AGBL1: variants seen among roughly 807,000 people sequenced by gnomAD.
AGBL1 encodes the protein AGBL carboxypeptidase 1, also known as cytosolic carboxypeptidase 4.
In AGBL1, 130 loss-of-function variants were observed where a neutral mutation model predicts 118.9. The ratio of observed to expected loss-of-function variants is 1.09; its 90% CI spans 0.95 to 1.26. The LOEUF is 1.26. Ranked by LOEUF, AGBL1 falls within the 50% of genes most tolerant of loss-of-function variation. The pLI, the probability that AGBL1 is intolerant of heterozygous loss-of-function variation, is 0.00. For synonymous variants in AGBL1, 555 were observed against 478.9 expected, an observed-to-expected ratio of 1.16 and a Z score of -2.08; for missense variants, 1,584 against 1,298.1, an observed-to-expected ratio of 1.22 and a Z score of -3.38.
intron 1 of AGBL1, among the ~76,000 whole-genome samples, chr15:86,136,416 C>T (rs1234441710): frequency 6.6e-6 from 1 of 152,134 alleles, no homozygotes. Flanking sequence ...GGTGGGGCAC[C>T]AATCATGTTG....
Position 86,809,798 on chromosome 15 carries a change from G to T in AGBL1, c.3159-97289G>T, listed in dbSNP as rs566091332. Among the ~76,000 whole-genome samples the T allele has an allele frequency of 1.4e-4, 21 of 152,186 alleles. No individual in the cohort carries two copies. In the South Asian group the frequency reaches 4.4e-3, roughly 32 times the overall value. On this transcript the variant is annotated intron_variant, in intron 22 of 22. Transcript: ENST00000614907. ...GTAGATCACACGTTTTCAATGTAAGGTTGAAATTCAGGCCATCCAGGAAAG... is the reference window on the plus strand; with the variant it reads ...GTAGATCACACGTTTTCAATGTAAGTTTGAAATTCAGGCCATCCAGGAAAG...
At chr15:87,025,779 A>C (rs2081720728) in intron 24 of AGBL1, among the ~76,000 whole-genome samples, 1 of 152,116 alleles carries the variant, frequency 6.6e-6, no homozygotes, top group Non-Finnish European at 1.5e-5. Flanking sequence ...CATAGTCACC[A>C]AGACAGCATG....
chr15:86,410,003 C>G (rs77696739), intron 18 of AGBL1, among the ~76,000 whole-genome samples: 5,207 of 152,258 alleles, frequency 0.034, 117 homozygotes, highest in Non-Finnish European at 0.055. Flanking sequence ...ACTTCTAACT[C>G]TTTATTTCAA....
chr15:86,880,970 G>C (rs952244150), intron 22 of AGBL1, among the ~76,000 whole-genome samples: 1 of 152,056 alleles, frequency 6.6e-6, no homozygotes, highest in African/African-American at 2.4e-5. Flanking sequence ...GTGTTCTTCA[G>C]GTGCACACCC....
intron 22 of AGBL1, among the ~76,000 whole-genome samples, chr15:86,853,077 C>A (rs973621596): frequency 3.3e-5 from 5 of 152,316 alleles, no homozygotes; most frequent in Non-Finnish European, 5.9e-5. Context: ...AGGCCACACC[C>A]CATGCCAATT....
At chr15:86,599,851 A>G (rs2084467328) in intron 21 of AGBL1, among the ~76,000 whole-genome samples, 2 of 152,100 alleles carry the variant, frequency 1.3e-5, no homozygotes, top group Non-Finnish European at 2.9e-5. Context: ...TTGGGTGACA[A>G]TATCCTACAC....
intron 22 of AGBL1, among the ~76,000 whole-genome samples, chr15:86,883,100 T>C (rs955563610): frequency 1.3e-5 from 2 of 152,228 alleles, no homozygotes; most frequent in African/African-American, 4.8e-5. Context: ...AATTATATCC[T>C]CATTAATAGA....
intron 22 of AGBL1, among the ~76,000 whole-genome samples, chr15:86,674,675 CATTT>C (rs1335020254): frequency 1.3e-5 from 2 of 152,228 alleles, no homozygotes; most frequent in East Asian, 3.9e-4. Flanking sequence ...CTAGGTAACA[CATTT>C]ATGATAAGAT....
intron 24 of AGBL1, among the ~76,000 whole-genome samples, chr15:86,990,605 G>A (rs1244264257): frequency 6.6e-6 from 1 of 152,154 alleles, no homozygotes; most frequent in African/African-American, 2.4e-5. Context: ...TATCTACCAG[G>A]CACTCTTCTA....
chr15:86,287,949 C>T (rs574989021), intron 16 of AGBL1, among the ~76,000 whole-genome samples: 1 of 152,168 alleles, frequency 6.6e-6, no homozygotes, highest in South Asian at 2.1e-4. Context: ...TCTGAAGAAT[C>T]CTGCATCCAC....
Position 86,670,075 on chromosome 15 carries a change from GT to G in AGBL1, c.2995-4194del, listed in dbSNP as rs533733991. The stretch of plus-strand genomic sequence containing the variant: ...ATTCCTCGCCTATTAGACACTTATG[GT>G]TTTATTTCCCTCAAATTTGGATTAT... On this transcript the variant is annotated intron_variant, in intron 21 of 22. Transcript: ENST00000614907. Among the ~76,000 whole-genome samples, 790 of 151,896 alleles carry G rather than the reference GT, an allele frequency of 5.2e-3. 8 individuals are homozygous for G. The highest frequency in any genetic ancestry group is 0.016 in the African/African-American group (664 of 41,426).
intron 17 of AGBL1, among the ~76,000 whole-genome samples, chr15:86,392,594 A>C (rs758771994): frequency 3.3e-5 from 5 of 152,168 alleles, no homozygotes; most frequent in Non-Finnish European, 1.5e-5. Flanking sequence ...AAATGAATGG[A>C]TGTTTATATA....
chr15:86,975,638 G>A (rs1002104921), intron 23 of AGBL1, among the ~76,000 whole-genome samples: 1 of 152,108 alleles, frequency 6.6e-6, no homozygotes, highest in African/African-American at 2.4e-5. Flanking sequence ...AAAGCACAAT[G>A]TTTCAGGCTC....
intron 5 of AGBL1, among the ~76,000 whole-genome samples, chr15:86,209,073 AC>A (rs1430483639): frequency 6.6e-6 from 1 of 152,128 alleles, no homozygotes; most frequent in Non-Finnish European, 1.5e-5. Context: ...TTCATTATGT[AC>A]CCAGTAGTCA....
intron 17 of AGBL1, among the ~76,000 whole-genome samples, chr15:86,347,038 A>G (rs1444540209): frequency 6.6e-6 from 1 of 152,182 alleles, no homozygotes; most frequent in Admixed American, 6.5e-5. Flanking sequence ...TTTATTGAAT[A>G]TGTGGTGCCC....
At chr15:86,541,488 A>G (rs2142241942) in intron 19 of AGBL1, among the ~76,000 whole-genome samples, 1 of 150,222 alleles carries the variant, frequency 6.7e-6, no homozygotes. Context: ...GCTACTTTGG[A>G]GGCTGAGGCA....
intron 23 of AGBL1, among the ~76,000 whole-genome samples, chr15:86,934,142 G>A (rs72754071): frequency 0.039 from 5,931 of 152,278 alleles, 158 homozygotes; most frequent in Middle Eastern, 0.071. Context: ...TCAGAGGTCA[G>A]AATTATGATA....
chr15:86,866,064 C>G (rs574834216), intron 22 of AGBL1, among the ~76,000 whole-genome samples: 1 of 152,304 alleles, frequency 6.6e-6, no homozygotes, highest in Non-Finnish European at 1.5e-5. Flanking sequence ...TAAGAAACAT[C>G]TTTGTCATCT....
chr15:86,100,693 G>A (rs1030873801), intron 1 of AGBL1, among the ~76,000 whole-genome samples: 1 of 151,926 alleles, frequency 6.6e-6, no homozygotes, highest in East Asian at 1.9e-4. Flanking sequence ...TATTTCTGTG[G>A]TATCAGTTGT....
Sources: gnomAD v4.1 joint callset for allele counts (sites outside exome capture counted in the v4.1 genomes callset) on GRCh38, gnomAD v4.1.1 for gene constraint, MANE v1.5 for transcripts, NCBI Gene and HGNC (gene_info 2026-07-23, HGNC 2026-07-21) for gene names.